Variants in ATP2B2 observed in about 807,000 individuals in gnomAD.
The protein encoded by ATP2B2 is plasma membrane calcium-transporting ATPase 2.
Under a neutral mutation model 120.0 loss-of-function variants are expected in ATP2B2, and 15 were observed. The ratio of observed to expected loss-of-function variants is 0.12; its 90% confidence interval spans 0.08 to 0.19. ATP2B2 has a LOEUF of 0.19. Among genes scored for constraint, ATP2B2 ranks in the 10% least tolerant of loss-of-function variants. The probability of loss-of-function intolerance (pLI) is 1.00; values close to 1 mark genes in which losing one functional copy is unlikely to be tolerated. For synonymous variants in ATP2B2, 694 were observed against 700.3 expected (o/e 0.99, Z 0.14); for missense variants, 1,045 against 1,719.8 (o/e 0.61, Z 6.94).
Position 10,340,661 on chromosome 3 carries a change from C to T in ATP2B2, c.2961G>A (p.Leu987=). The change falls in exon 20 of 23, where the codon CTG becomes CTA. Residue 987 remains leucine (L), a synonymous_variant. Transcript: ENST00000360273. The surrounding 1 kb of genome is among the most constrained non-coding windows in gnomAD (Gnocchi z 5.0). ...FQIDSGRNAP[L]HSPPSEHYTI... ...TGTAATGTTCTGAGGGTGGCGAATGCAGGGGCGCGTTCCTCCCGCTGTCGA... is the reference window on the plus strand; with the variant it reads ...TGTAATGTTCTGAGGGTGGCGAATGTAGGGGCGCGTTCCTCCCGCTGTCGA... 1 of 1,614,206 alleles carries T rather than the reference C, an allele frequency of 6.2e-7. No individual in the cohort carries two copies. Among genetic ancestry groups the T allele is most frequent in the Middle Eastern group, 1.6e-4 (1 of 6,062 alleles).
At chr3:10,434,149 A>T (rs2063406980) in intron 2 of ATP2B2, among the ~76,000 whole-genome samples, 1 of 152,282 alleles carries the variant, frequency 6.6e-6, no homozygotes, top group Non-Finnish European at 1.5e-5. Context: ...AGTAAGAAGC[A>T]GAACATCTAT....
At chr3:10,484,308 A>G (rs1049122354) in intron 1 of ATP2B2, among the ~76,000 whole-genome samples, 2 of 152,044 alleles carry the variant, frequency 1.3e-5, no homozygotes, top group Admixed American at 1.3e-4. Flanking sequence ...TGAGGGGTGA[A>G]CACACAGCCC....
chr3:10,358,848 A>G lies in ATP2B2; in HGVS notation c.1979T>C (p.Val660Ala). The change falls in exon 14 of 23, where the codon GTG becomes GCG. Residue 660 changes from valine (V) to alanine (A), a missense_variant. Coordinates refer to ENST00000360273, the MANE Select transcript of ATP2B2 (RefSeq NM_001001331.4). ...PRDRDEMVKK[V>A]IEPMACDGLR... is the part of the protein sequence containing the mutation. ...CCCATCGCAAGCCATGGGCTCAATC[A>G]CCTTCTTTACCATCTCGTCCCGGTC... The G allele has an allele frequency of 6.2e-7, 1 of 1,614,054 alleles. No homozygotes were observed. Among genetic ancestry groups the G allele is most frequent in the African/African-American group, 1.3e-5 (1 of 75,000 alleles).
chr3:10,645,381 C>T (rs2125657328), intron 1 of ATP2B2, among the ~76,000 whole-genome samples: 1 of 152,172 alleles, frequency 6.6e-6, no homozygotes. Flanking sequence ...GTTAAATTTG[C>T]AAATTTTGAT....
At chr3:10,563,536 C>T (rs56126611) in intron 2 of ATP2B2, among the ~76,000 whole-genome samples, 3,835 of 152,314 alleles carry the variant, frequency 0.025, 76 homozygotes, top group Non-Finnish European at 0.034. Flanking sequence ...ATCAGGGCTT[C>T]CTTGCACCTG....
At chr3:10,579,810 G>GAAAACAAAACAAAACAAAAC (rs59097062) in intron 2 of ATP2B2, among the ~76,000 whole-genome samples, 22,196 of 146,146 alleles carry the variant, frequency 0.15, 1,995 homozygotes, top group East Asian at 0.25. Context: ...ACTCCGTCTT[G>GAAAACAAAACAAAACAAAAC]AAAACAAAAC....
intron 2 of ATP2B2, among the ~76,000 whole-genome samples, chr3:10,440,480 A>G (rs1237911443): frequency 6.6e-6 from 1 of 152,226 alleles, no homozygotes; most frequent in Non-Finnish European, 1.5e-5. Context: ...CATGGGCTGG[A>G]GTCCTCTGTG....
chr3:10,691,280 C>T (rs1309810425), intron 1 of ATP2B2, among the ~76,000 whole-genome samples: 1 of 152,188 alleles, frequency 6.6e-6, no homozygotes, highest in Non-Finnish European at 1.5e-5. Context: ...AATAACCGTA[C>T]AATGGATCAT....
intron 2 of ATP2B2, among the ~76,000 whole-genome samples, chr3:10,550,127 T>G (rs964174722): frequency 5.3e-5 from 8 of 152,246 alleles, no homozygotes; most frequent in Non-Finnish European, 1.0e-4. Flanking sequence ...CTCTTGTGGC[T>G]GGCTAGCTAC....
intron 1 of ATP2B2, among the ~76,000 whole-genome samples, chr3:10,648,138 C>G (rs1182066941): frequency 6.6e-6 from 1 of 152,154 alleles, no homozygotes; most frequent in African/African-American, 2.4e-5. Flanking sequence ...GGGTTGCCGG[C>G]TGTCCCCAGC....
At chr3:10,660,653 G>A (rs1157841219) in intron 1 of ATP2B2, among the ~76,000 whole-genome samples, 6 of 152,140 alleles carry the variant, frequency 3.9e-5, no homozygotes, top group Admixed American at 2.0e-4. Flanking sequence ...ATTCACAGCC[G>A]AATTCTACCA....
intron 2 of ATP2B2, among the ~76,000 whole-genome samples, chr3:10,417,066 C>CGGGG (rs201363749): frequency 1.3e-4 from 5 of 38,104 alleles, no homozygotes; most frequent in African/African-American, 1.1e-3. Flanking sequence ...TCCCAGACGG[C>CGGGG]GGCGGGGGGG....
intron 12 of ATP2B2, among the ~76,000 whole-genome samples, chr3:10,361,393 C>G (rs1011059897): frequency 6.6e-6 from 1 of 152,162 alleles, no homozygotes; most frequent in African/African-American, 2.4e-5. Flanking sequence ...TTTTTAACTG[C>G]TCTATAGATG....
chr3:10,392,216 T>C (rs1403765483), intron 5 of ATP2B2, among the ~76,000 whole-genome samples: 3 of 152,126 alleles, frequency 2.0e-5, no homozygotes, highest in Non-Finnish European at 4.4e-5. Flanking sequence ...AGCACAATTT[T>C]TTGTACTATT....
At chr3:10,534,898 G>GTTTT (rs59467255) in intron 2 of ATP2B2, among the ~76,000 whole-genome samples, 27 of 87,722 alleles carry the variant, frequency 3.1e-4, no homozygotes, top group East Asian at 6.9e-4. Context: ...CATTTATTTG[G>GTTTT]TTTTTTTTTT....
rs2060133508 is a variant in ATP2B2 at position 10,336,975 on chromosome 3, TGGACCTCCCAGGAG to T, written c.3420+1187_3420+1200del. On this transcript the variant is annotated intron_variant, in intron 22 of 22. Coordinates refer to ENST00000360273, the MANE Select transcript of ATP2B2 (RefSeq NM_001001331.4). ...CAGGGACATATTCACTGAGTTGTCC[TGGACCTCCCAGGAG>T]GTGGGGGCAGGCTGGGAGGGGTGGC... Among the ~76,000 whole-genome samples the T allele has an allele frequency of 2.0e-5, 3 of 152,116 alleles. No homozygotes were observed. The South Asian group carries it at 6.2e-4, about 32-fold the overall frequency.
intron 1 of ATP2B2, among the ~76,000 whole-genome samples, chr3:10,650,376 A>G (rs1442417832): frequency 6.6e-6 from 1 of 152,206 alleles, no homozygotes; most frequent in Non-Finnish European, 1.5e-5. Flanking sequence ...TTTAAGGTAT[A>G]TGGCAGAAGA....
Position 10,400,152 on chromosome 3 carries a change from C to T in ATP2B2, c.781+801G>A, listed in dbSNP as rs1271325726. ...CTAGTGTCTCACCCCTGCAGGGTTT[C>T]CCCACCTCTTCTCTGCCCCTGTAGC... is the stretch of plus-strand genomic sequence containing the variant. On this transcript the variant is annotated intron_variant, in intron 5 of 22. Coordinates refer to ENST00000360273, the MANE Select transcript of ATP2B2 (RefSeq NM_001001331.4). Among the ~76,000 whole-genome samples the T allele has an allele frequency of 2.6e-5, 4 of 152,372 alleles. No homozygotes were observed. The East Asian group carries it at 7.7e-4, about 29-fold the overall frequency.
intron 1 of ATP2B2, among the ~76,000 whole-genome samples, chr3:10,637,032 C>T (rs2070040567): frequency 6.6e-6 from 1 of 152,176 alleles, no homozygotes; most frequent in Non-Finnish European, 1.5e-5. Context: ...ACTGGGACAC[C>T]TCAAGATTCA....
Sources: gnomAD v4.1 joint callset for allele counts (sites outside exome capture counted in the v4.1 genomes callset) on GRCh38, gnomAD v4.1.1 for gene constraint, Gnocchi (gnomAD v3.1) non-coding constraint, MANE v1.5 for transcripts, NCBI Gene and HGNC (gene_info 2026-07-23, HGNC 2026-07-21) for gene names.